THSD7A: variants seen among roughly 807,000 people sequenced by gnomAD.
THSD7A encodes the protein thrombospondin type 1 domain containing 7A, also known as thrombospondin type-1 domain-containing protein 7A.
A neutral mutation model predicts 231.3 loss-of-function variants in THSD7A; 96 were observed. That is an observed-to-expected ratio of 0.41 (90% confidence interval 0.35 to 0.49). THSD7A has a LOEUF of 0.49. THSD7A is among the 20% of genes least tolerant of loss of function. The pLI, the probability that THSD7A is intolerant of heterozygous loss-of-function variation, is 0.05. For synonymous variants in THSD7A, 940 were observed against 743.3 expected, an observed-to-expected ratio of 1.26 and a Z score of -4.30; for missense variants, 2,290 against 2,070.2, an observed-to-expected ratio of 1.11 and a Z score of -2.06.
chr7:11,719,738 A>G (rs1189838631), intron 1 of THSD7A, among the ~76,000 whole-genome samples: 3 of 151,812 alleles, frequency 2.0e-5, no homozygotes, highest in Admixed American at 1.3e-4. Context: ...TCTTCTAGAA[A>G]TCTCACTCGG....
intron 6 of THSD7A, among the ~76,000 whole-genome samples, chr7:11,509,994 G>C (rs1000954077): frequency 9.2e-5 from 14 of 151,822 alleles, no homozygotes; most frequent in Non-Finnish European, 1.8e-4. Context: ...ATGTATACGT[G>C]TACCAAAATA....
chr7:11,607,531 T>C (rs2681054), intron 2 of THSD7A, among the ~76,000 whole-genome samples: 50,618 of 151,804 alleles, frequency 0.33, 8,838 homozygotes, highest in South Asian at 0.39. Context: ...TGTTTTCAGA[T>C]TGAACCTTTA....
At chr7:11,739,142 C>T (rs1289002188) in intron 1 of THSD7A, among the ~76,000 whole-genome samples, 2 of 151,872 alleles carry the variant, frequency 1.3e-5, no homozygotes, top group East Asian at 1.9e-4. Context: ...CATAATTTGA[C>T]TATGGAGAAA....
At chr7:11,548,079 C>A (rs753417504) in intron 4 of THSD7A, among the ~76,000 whole-genome samples, 13 of 151,836 alleles carry the variant, frequency 8.6e-5, no homozygotes, top group Non-Finnish European at 1.8e-4. Flanking sequence ...TAAAAGCTGG[C>A]TTGACAGAAT....
At chr7:11,392,152 G>C (rs1308604883) in intron 23 of THSD7A, among the ~76,000 whole-genome samples, 1 of 152,044 alleles carries the variant, frequency 6.6e-6, no homozygotes, top group African/African-American at 2.4e-5. Flanking sequence ...CAGTGAGATT[G>C]ATGCAGAAGG....
chr7:11,745,007 G>A (rs1782238427), intron 1 of THSD7A, among the ~76,000 whole-genome samples: 3 of 151,904 alleles, frequency 2.0e-5, no homozygotes, highest in African/African-American at 7.3e-5. Context: ...AGATCCCTGA[G>A]GAATCGCCAC....
intron 1 of THSD7A, among the ~76,000 whole-genome samples, chr7:11,781,537 T>A (rs1440379097): frequency 1.3e-5 from 2 of 152,150 alleles, no homozygotes; most frequent in African/African-American, 4.8e-5. Context: ...AAAAATCCTA[T>A]TTAATAACTT....
chr7:11,627,318 T>A (rs1349207835), intron 2 of THSD7A, among the ~76,000 whole-genome samples: 1 of 152,048 alleles, frequency 6.6e-6, no homozygotes, highest in Admixed American at 6.6e-5. Flanking sequence ...CCTATTGTTA[T>A]TACATAGATT....
chr7:11,830,338 G>C (rs1436018204), intron 1 of THSD7A, among the ~76,000 whole-genome samples: 1 of 152,138 alleles, frequency 6.6e-6, no homozygotes, highest in African/African-American at 2.4e-5. Context: ...TACCTAAGAA[G>C]CTCTCCCCAA....
intron 13 of THSD7A, among the ~76,000 whole-genome samples, chr7:11,430,731 T>C (rs559162850): frequency 1.3e-5 from 2 of 152,278 alleles, no homozygotes; most frequent in East Asian, 3.9e-4. Context: ...CCTCCCAAAA[T>C]ATTGGGATTA....
At chr7:11,405,121 C>T (rs1199916898) in intron 22 of THSD7A, among the ~76,000 whole-genome samples, 2 of 149,848 alleles carry the variant, frequency 1.3e-5, no homozygotes, top group African/African-American at 4.9e-5. Flanking sequence ...TCATCTTAAA[C>T]TATACCCTAC....
rs576350027 is a variant in THSD7A, at chr7:11,494,125, A to G, written c.1823-12143T>C. Reference sequence around the variant, plus strand: ...TTACATTAGGCTACAGATATTATATACAATTTTCTGATGCCAATGTGGCAC... The same window carrying G: ...TTACATTAGGCTACAGATATTATATGCAATTTTCTGATGCCAATGTGGCAC... On this transcript the variant is annotated intron_variant, in intron 6 of 27. Transcript: ENST00000423059. Among the ~76,000 whole-genome samples the G allele has an allele frequency of 3.3e-5, 5 of 152,162 alleles. No homozygotes were observed. In the East Asian group the frequency reaches 9.7e-4, roughly 29 times the overall value.
intron 6 of THSD7A, among the ~76,000 whole-genome samples, chr7:11,510,073 T>G (rs185119046): frequency 6.3e-4 from 96 of 152,240 alleles, no homozygotes; most frequent in Non-Finnish European, 1.2e-3. Flanking sequence ...GAAGTCATTA[T>G]TTGAAAAAGA....
At chr7:11,511,165 A>C (rs545430607) in intron 6 of THSD7A, among the ~76,000 whole-genome samples, 1 of 152,314 alleles carries the variant, frequency 6.6e-6, no homozygotes, top group East Asian at 1.9e-4. Flanking sequence ...CCAAATCATC[A>C]GTGGACTCCC....
At chr7:11,427,058 A>G (rs987340438) in intron 14 of THSD7A, among the ~76,000 whole-genome samples, 3 of 152,184 alleles carry the variant, frequency 2.0e-5, no homozygotes, top group African/African-American at 7.2e-5. Flanking sequence ...AGATTGATCT[A>G]TCCGTTGATT....
At chr7:11,599,693 C>T (rs1780484963) in intron 2 of THSD7A, among the ~76,000 whole-genome samples, 1 of 152,100 alleles carries the variant, frequency 6.6e-6, no homozygotes. Context: ...TGTATCATCT[C>T]CGGAGATGTG....
chr7:11,805,360 C>T (rs1485861285), intron 1 of THSD7A, among the ~76,000 whole-genome samples: 1 of 152,040 alleles, frequency 6.6e-6, no homozygotes, highest in Admixed American at 6.6e-5. Context: ...AGTATATCTA[C>T]TTGATATTTT....
intron 1 of THSD7A, among the ~76,000 whole-genome samples, chr7:11,829,810 A>G (rs1237780826): frequency 6.6e-6 from 1 of 152,232 alleles, no homozygotes; most frequent in African/African-American, 2.4e-5. Context: ...GGTAAAAAAA[A>G]AAAAATAAAG....
In THSD7A at chr7:11,568,025, T is replaced by C. The variant is rs184604690; in HGVS notation, c.1453+22435A>G. 8.7e-4 allele frequency among the ~76,000 whole-genome samples: 132 copies of C among 152,338 alleles called. 1 individual carries two copies. Among genetic ancestry groups the C allele is most frequent in the Non-Finnish European group, 1.4e-3 (95 of 68,030 alleles). ...TTTTTACATTTATGTTTTTGTTGAC[T>C]TCTAATCTACTATAGTCACTCAAAA... On this transcript the variant is annotated intron_variant, in intron 4 of 27. Transcript: ENST00000423059.
Sources: gnomAD v4.1 joint callset for allele counts (sites outside exome capture counted in the v4.1 genomes callset) on GRCh38, gnomAD v4.1.1 for gene constraint, MANE v1.5 for transcripts, NCBI Gene and HGNC (gene_info 2026-07-23, HGNC 2026-07-21) for gene names.